The following NRF1 variants were observed in gnomAD, a reference collection of about 807,000 sequenced individuals.
NRF1 encodes the protein nuclear respiratory factor 1.
Under a neutral mutation model 58.5 loss-of-function variants are expected in NRF1, and 5 were observed. The observed-to-expected ratio is 0.09, with a 90% CI of 0.04 to 0.18. The LOEUF (loss-of-function observed/expected upper bound fraction) is 0.18, where lower values mean the gene tolerates loss of function less well. Among genes scored for constraint, NRF1 ranks in the 10% least tolerant of loss-of-function variants. The probability of loss-of-function intolerance (pLI) is 1.00; values close to 1 mark genes in which losing one functional copy is unlikely to be tolerated. For synonymous variants in NRF1, 224 were observed against 246.7 expected (o/e 0.91, Z 0.86); for missense variants, 288 against 657.7 (o/e 0.44, Z 6.15).
intron 1 of NRF1, among the ~76,000 whole-genome samples, chr7:129,617,329 G>A (rs1800679390): frequency 6.6e-6 from 1 of 152,128 alleles, no homozygotes; most frequent in South Asian, 2.1e-4. Context: ...ATGTGGTTAG[G>A]CTGGCAGCTA....
chr7:129,635,472 A>G (rs560542113), intron 1 of NRF1, among the ~76,000 whole-genome samples: 2 of 152,274 alleles, frequency 1.3e-5, no homozygotes, highest in African/African-American at 2.4e-5. Context: ...TACTGTTTGT[A>G]TAATTCTGTT....
At chr7:129,621,164 A>C (rs1800789626) in intron 1 of NRF1, among the ~76,000 whole-genome samples, 2 of 152,122 alleles carry the variant, frequency 1.3e-5, no homozygotes. Context: ...GCATCTTTGA[A>C]ATTAGATTAG....
chr7:129,693,066 A>C (rs1802607770), intron 5 of NRF1, among the ~76,000 whole-genome samples: 1 of 152,180 alleles, frequency 6.6e-6, no homozygotes, highest in African/African-American at 2.4e-5. Flanking sequence ...TCAGGAATTT[A>C]GTTTCTGTCC....
At chr7:129,711,646 G>T in intron 8 of NRF1, 70 bp downstream of exon 8, 1 of 1,227,894 alleles carries the variant, frequency 8.1e-7, no homozygotes, top group Non-Finnish European at 1.2e-6. Context: ...CAAGGGTCCA[G>T]AAGATGGAGT....
chr7:129,684,246 CAG>C (rs111981929), intron 4 of NRF1, among the ~76,000 whole-genome samples: 5,082 of 152,064 alleles, frequency 0.033, 275 homozygotes, highest in African/African-American at 0.12. Flanking sequence ...TCTGATAAAA[CAG>C]AAAAACTGCT....
intron 8 of NRF1, among the ~76,000 whole-genome samples, chr7:129,716,750 A>T (rs140351786): frequency 2.6e-5 from 4 of 152,094 alleles, no homozygotes; most frequent in Admixed American, 2.6e-4. Flanking sequence ...ACACACCTAT[A>T]GTCCCAACTA....
intron 10 of NRF1, among the ~76,000 whole-genome samples, chr7:129,745,390 C>T (rs545084780): frequency 3.3e-5 from 5 of 152,238 alleles, no homozygotes; most frequent in African/African-American, 9.6e-5. Flanking sequence ...AGCATCACCG[C>T]CCGAGCTCCA....
chr7:129,637,711 TTG>T (rs2151065560), intron 1 of NRF1, among the ~76,000 whole-genome samples: 1 of 152,338 alleles, frequency 6.6e-6, no homozygotes, highest in East Asian at 1.9e-4. Context: ...ATGGATTTTT[TTG>T]TGTGTCAATA....
intron 4 of NRF1, among the ~76,000 whole-genome samples, chr7:129,681,173 TC>T (rs1802298913): frequency 6.6e-6 from 1 of 151,800 alleles, no homozygotes; most frequent in African/African-American, 2.4e-5. Flanking sequence ...AAGGAGGGGG[TC>T]CGGAGCCAGT....
chr7:129,612,749 T>C (rs1320771481), intron 1 of NRF1, among the ~76,000 whole-genome samples: 2 of 152,154 alleles, frequency 1.3e-5, no homozygotes, highest in African/African-American at 4.8e-5. Flanking sequence ...CCCAGACCTT[T>C]TCGGGTTTGT....
chr7:129,689,253 T>A (rs1296290659), intron 4 of NRF1, among the ~76,000 whole-genome samples: 1 of 151,992 alleles, frequency 6.6e-6, no homozygotes, highest in African/African-American at 2.4e-5. Context: ...TGGGGTAGAG[T>A]ATGGGAATTT....
chr7:129,659,172 G>A (rs1393344456), intron 2 of NRF1, among the ~76,000 whole-genome samples: 1 of 141,260 alleles, frequency 7.1e-6, no homozygotes, highest in Non-Finnish European at 1.5e-5. Flanking sequence ...TCTGCCTCCT[G>A]GGTTGGAGCA....
chr7:129,631,315 A>C (rs537468337), intron 1 of NRF1, among the ~76,000 whole-genome samples: 1 of 151,562 alleles, frequency 6.6e-6, no homozygotes, highest in South Asian at 2.1e-4. Flanking sequence ...GATCTCCCTG[A>C]CTCAAGCAGT....
intron 10 of NRF1, among the ~76,000 whole-genome samples, chr7:129,747,915 C>A (rs1028597436): frequency 6.6e-6 from 1 of 152,154 alleles, no homozygotes; most frequent in African/African-American, 2.4e-5. Context: ...AGAGTATGAT[C>A]AATGATACAT....
chr7:129,719,176 A>G (rs549135357), intron 9 of NRF1, among the ~76,000 whole-genome samples: 1 of 150,344 alleles, frequency 6.7e-6, no homozygotes, highest in South Asian at 2.1e-4. Context: ...CTTGTTGCCT[A>G]GGCTGAAGTA....
chr7:129,732,898 C>T (rs1803616592), intron 10 of NRF1, among the ~76,000 whole-genome samples: 2 of 152,084 alleles, frequency 1.3e-5, no homozygotes, highest in Admixed American at 1.3e-4. Context: ...TGGTCAAACC[C>T]CATCTCTACT....
chr7:129,743,126 T>A (rs918140859), intron 10 of NRF1, among the ~76,000 whole-genome samples: 26 of 151,946 alleles, frequency 1.7e-4, no homozygotes, highest in African/African-American at 5.8e-4. Flanking sequence ...CCTTTTTGTA[T>A]TTTTTTCTCC....
chr7:129,735,734 C>T (rs751494840), intron 10 of NRF1, among the ~76,000 whole-genome samples: 3 of 151,208 alleles, frequency 2.0e-5, no homozygotes, highest in South Asian at 4.2e-4. Flanking sequence ...GACCACCGGG[C>T]GCGGTGGCTG....
intron 1 of NRF1, among the ~76,000 whole-genome samples, chr7:129,631,528 A>C (rs1801049605): frequency 6.6e-6 from 1 of 152,020 alleles, no homozygotes; most frequent in African/African-American, 2.4e-5. Flanking sequence ...TGGCCTCCTA[A>C]AGTGTTGGGA....
Sources: gnomAD v4.1 joint callset for allele counts (sites outside exome capture counted in the v4.1 genomes callset) on GRCh38, gnomAD v4.1.1 for gene constraint, MANE v1.5 for transcripts, NCBI Gene and HGNC (gene_info 2026-07-23, HGNC 2026-07-21) for gene names.